LRRC74A: variants seen among roughly 807,000 people sequenced by gnomAD.
LRRC74A encodes leucine-rich repeat-containing protein 74A.
In LRRC74A, 44 loss-of-function variants were observed where a neutral mutation model predicts 57.9. The ratio of observed to expected loss-of-function variants is 0.76; its 90% confidence interval spans 0.60 to 0.98. The LOEUF is 0.98. LRRC74A is among the 50% of genes least tolerant of loss of function. The pLI is 0.00. For synonymous variants in LRRC74A, 211 were observed against 219.4 expected, an observed-to-expected ratio of 0.96 and a Z score of 0.34; for missense variants, 572 against 574.0, an observed-to-expected ratio of 1.00 and a Z score of 0.04.
chr14:76,853,693 C>A (rs552384314), intron 9 of LRRC74A, among the ~76,000 whole-genome samples: 1 of 152,046 alleles, frequency 6.6e-6, no homozygotes, highest in Non-Finnish European at 1.5e-5. Flanking sequence ...TCTCCACCTT[C>A]CTCCCATCTG....
In LRRC74A at chr14:76,857,487, A is replaced by C; in HGVS notation, c.1053+12A>C. 6.4e-7 allele frequency: 1 copy of C among 1,552,632 alleles called. No homozygotes were observed. The highest frequency in any genetic ancestry group is 8.7e-7 in the Non-Finnish European group (1 of 1,144,060). On this transcript the variant is annotated intron_variant, in intron 10 of 13. Coordinates refer to ENST00000689127, the MANE Select transcript of LRRC74A (RefSeq NM_001385106.1). ...AGCTTGATATTTCCGTAAGTGATCA[A>C]ATGGTAGTTGCTTGCGTCTGGGCAC... is the stretch of plus-strand genomic sequence containing the variant.
At chr14:76,865,130 G>T (rs557828827) in intron 11 of LRRC74A, among the ~76,000 whole-genome samples, 1 of 152,222 alleles carries the variant, frequency 6.6e-6, no homozygotes, top group Admixed American at 6.5e-5. Flanking sequence ...GCCTTGCAAC[G>T]TGAGTAATAA....
chr14:76,836,104 G>A, intron 3 of LRRC74A, 103 bp from the exon 4 acceptor site: 3 of 794,758 alleles, frequency 3.8e-6, no homozygotes, highest in Non-Finnish European at 6.3e-6. Context: ...TTCCTAGCCT[G>A]CATCTCCACG....
At chr14:76,835,843 T>A (rs1435792862) in intron 3 of LRRC74A, among the ~76,000 whole-genome samples, 3 of 152,210 alleles carry the variant, frequency 2.0e-5, no homozygotes, top group Non-Finnish European at 4.4e-5. Context: ...TGCAAGAATC[T>A]TTATGTTTAA....
At chr14:76,866,562 C>G (rs916643796) in intron 12 of LRRC74A, among the ~76,000 whole-genome samples, 1 of 152,108 alleles carries the variant, frequency 6.6e-6, no homozygotes, top group Admixed American at 6.5e-5. Context: ...TTGGGCCCTG[C>G]AGGAATAGGA....
intron 11 of LRRC74A, among the ~76,000 whole-genome samples, chr14:76,864,193 G>A (rs1010430919): frequency 6.6e-6 from 1 of 152,254 alleles, no homozygotes; most frequent in South Asian, 2.1e-4. Context: ...TGCCGGTGGG[G>A]TGTCCAGCAG....
intron 11 of LRRC74A, among the ~76,000 whole-genome samples, chr14:76,862,927 G>T (rs796948555): frequency 5.3e-5 from 8 of 152,294 alleles, no homozygotes; most frequent in African/African-American, 1.9e-4. Context: ...GGGGGCCGGT[G>T]AGAGCTGCTG....
chr14:76,853,463 T>TGTGTTTGTGTA, intron 9 of LRRC74A, 53 bp downstream of exon 9: 2 of 278,088 alleles, frequency 7.2e-6, no homozygotes, highest in Non-Finnish European at 1.1e-5. Flanking sequence ...GTGTGTGTGT[T>TGTGTTTGTGTA]TGTGTATGTG....
rs748253194 is a variant in LRRC74A at position 76,865,994 on chromosome 14, G to A, written c.1227G>A (p.Thr409=). The change falls in exon 12 of 14, where the codon ACG becomes ACA. Residue 409 remains threonine, a synonymous_variant. Transcript: ENST00000689127. ...IQSYADQHKI[T]IVDFFKSLNP... The stretch of plus-strand genomic sequence containing the variant: ...GCTATGCAGACCAACACAAAATCAC[G>A]ATCGTGGACTTCTTCAAGAGCTTGA... The A allele has an allele frequency of 1.6e-5, 25 of 1,600,166 alleles. No homozygotes were observed. The Admixed American group carries it at 2.5e-4, about 16-fold the overall frequency.
chr14:76,858,453 C>T (rs1411118058), intron 10 of LRRC74A, among the ~76,000 whole-genome samples: 2 of 152,164 alleles, frequency 1.3e-5, no homozygotes, highest in Non-Finnish European at 2.9e-5. Flanking sequence ...CCCTAAGTAC[C>T]TCATTTTAAC....
At position 76,844,376 on chromosome 14, in the gene LRRC74A, G is replaced by A. The variant is rs370059297; in HGVS notation, c.545-47G>A. The A allele has an allele frequency of 3.8e-6, 6 of 1,570,852 alleles. No homozygotes were observed. The African/African-American group carries it at 8.1e-5, about 21-fold the overall frequency. Reference sequence around the variant, plus strand: ...AGGGGCAGGGGGTGGGAGAGGAAGGGAGCCATGGTCTAGCAGTGCATCACT... The same window carrying A: ...AGGGGCAGGGGGTGGGAGAGGAAGGAAGCCATGGTCTAGCAGTGCATCACT... On this transcript the variant is annotated intron_variant, in intron 5 of 13. Transcript: ENST00000689127.
chr14:76,870,130 TGAACAC>T lies in LRRC74A; in HGVS notation c.1400_1405del (p.Asn467_Thr468del). On this transcript the variant is annotated inframe_deletion, in exon 14 of 14. Transcript: ENST00000689127. ...TCCCTTACCTTTCGTACCAGTTTCT[TGAACAC>T]GATGAAGCCATAGCAACAAGTCTGG... The T allele has an allele frequency of 6.2e-7, 1 of 1,611,634 alleles. No homozygotes were observed. Among genetic ancestry groups the T allele is most frequent in the Non-Finnish European group, 8.5e-7 (1 of 1,178,904 alleles).
chr14:76,840,715 C>T (rs11626264), intron 5 of LRRC74A, among the ~76,000 whole-genome samples: 3 of 151,272 alleles, frequency 2.0e-5, no homozygotes, highest in Non-Finnish European at 2.9e-5. Flanking sequence ...TCCCGAGTAG[C>T]GGGGACTACA....
Position 76,864,348 on chromosome 14 carries a change from G to A in LRRC74A, c.1201-1620G>A, listed in dbSNP as rs563846797. 1.2e-3 allele frequency among the ~76,000 whole-genome samples: 166 copies of A among 143,772 alleles called. 1 individual carries two copies. The highest frequency in any genetic ancestry group is 3.9e-3 in the African/African-American group (154 of 39,392). 94.3% of individuals were successfully genotyped at this position (143,772 alleles called of 152,430 possible). ...TGAGGAAATGCTTCGTGAGAAGGAC[G>A]TTGCCAGAAATAGCTATCGATACAG... On this transcript the variant is annotated intron_variant, in intron 11 of 13. Transcript: ENST00000689127.
At position 76,870,117 on chromosome 14, in the gene LRRC74A, C is replaced by T. The variant is rs753806086; in HGVS notation, c.1392-8C>T. 6.2e-6 allele frequency: 10 copies of T among 1,610,866 alleles called. No individual in the cohort carries two copies. The highest frequency in any genetic ancestry group is 5.1e-6 in the Non-Finnish European group (6 of 1,178,594). On this transcript the variant is annotated splice_region_variant and splice_polypyrimidine_tract_variant and intron_variant, in intron 13 of 13. Coordinates refer to ENST00000689127, the MANE Select transcript of LRRC74A (RefSeq NM_001385106.1). Reference sequence around the variant, plus strand: ...TGCTCAGCATCTTTCCCTTACCTTTCGTACCAGTTTCTTGAACACGATGAA... The same window carrying T: ...TGCTCAGCATCTTTCCCTTACCTTTTGTACCAGTTTCTTGAACACGATGAA...
At chr14:76,843,843 C>A (rs1896940813) in intron 5 of LRRC74A, among the ~76,000 whole-genome samples, 1 of 151,302 alleles carries the variant, frequency 6.6e-6, no homozygotes, top group Non-Finnish European at 1.5e-5. Flanking sequence ...TAGCTGGGAC[C>A]ACAGGTGTGC....
rs1330422814 is a variant in LRRC74A at position 76,860,814 on chromosome 14, T to G, written c.1175T>G (p.Leu392Trp). Residue 392 changes from leucine to tryptophan, a missense_variant, in exon 11 of 14, where the codon TTG becomes TGG. Coordinates refer to ENST00000689127, the MANE Select transcript of LRRC74A (RefSeq NM_001385106.1). ...GLSPKKTIFLLTNPMKLIQSY... is the reference protein window; with the variant it reads ...GLSPKKTIFLWTNPMKLIQSY... ...TCTCCCAAGAAAACCATCTTCTTGT[T>G]GACAAACCCCATGAAACTGATCCAG... The G allele has an allele frequency of 1.2e-6, 2 of 1,610,802 alleles. No homozygotes were observed. Among genetic ancestry groups the G allele is most frequent in the Non-Finnish European group, 1.7e-6 (2 of 1,178,068 alleles).
intron 7 of LRRC74A, 90 bp from the exon 8 acceptor site, chr14:76,852,275 T>C: frequency 1.0e-6 from 1 of 962,158 alleles, no homozygotes; most frequent in Non-Finnish European, 1.6e-6. Flanking sequence ...CTGAGTGGTC[T>C]TTATCCCCAG....
At chr14:76,865,038 G>T (rs1898670790) in intron 11 of LRRC74A, among the ~76,000 whole-genome samples, 1 of 152,074 alleles carries the variant, frequency 6.6e-6, no homozygotes, top group Non-Finnish European at 1.5e-5. Flanking sequence ...AGATAAAAGG[G>T]TCCACACCAA....
Sources: gnomAD v4.1 joint callset for allele counts (sites outside exome capture counted in the v4.1 genomes callset) on GRCh38, gnomAD v4.1.1 for gene constraint, MANE v1.5 for transcripts, NCBI Gene and HGNC (gene_info 2026-07-23, HGNC 2026-07-21) for gene names.